Variants in SCN3A observed in about 807,000 individuals in gnomAD.
SCN3A encodes sodium voltage-gated channel alpha subunit 3, also known as sodium channel protein type 3 subunit alpha.
In SCN3A, 60 loss-of-function variants were observed where a neutral mutation model predicts 187.6. The observed-to-expected ratio is 0.32, with a 90% CI of 0.26 to 0.40. The LOEUF is 0.40. Ranked by LOEUF, SCN3A falls within the 10% of genes least tolerant of loss-of-function variation. SCN3A has a pLI of 1.00. For missense variants in SCN3A, 1,601 were observed against 2,428.2 expected (o/e 0.66, Z 7.16); for synonymous variants, 788 against 829.2 (o/e 0.95, Z 0.85).
chr2:165,094,663 G>A (rs570345128), intron 25 of SCN3A, among the ~76,000 whole-genome samples, 185 bp from the exon 26 acceptor site: 61 of 151,946 alleles, frequency 4.0e-4, no homozygotes, highest in Non-Finnish European at 7.2e-4. Context: ...AAATCCTTAC[G>A]TACATAAAAC....
At chr2:165,104,524 C>T (rs1299288138) in intron 21 of SCN3A, among the ~76,000 whole-genome samples, 1 of 148,392 alleles carries the variant, frequency 6.7e-6, no homozygotes, top group African/African-American at 2.5e-5. Flanking sequence ...GACAAAGAAA[C>T]AAACAAAATT....
chr2:165,130,839 T>C (rs899366215), intron 16 of SCN3A, among the ~76,000 whole-genome samples: 2 of 152,134 alleles, frequency 1.3e-5, no homozygotes, highest in African/African-American at 4.8e-5. Context: ...TTATTTAAGA[T>C]ACTAATAACA....
At position 165,131,282 on chromosome 2, in the gene SCN3A, T is replaced by A; in HGVS notation, c.2527A>T (p.Asn843Tyr). Residue 843 changes from asparagine (N) to tyrosine (Y), a missense_variant, in exon 16 of 28, where the codon AAT (asparagine) becomes TAT (tyrosine). Around this residue, in one of 11 missense-constraint regions of SCN3A, gnomAD observed 91 missense variants for 207.0 expected, o/e 0.44. Transcript: ENST00000283254. ...CGCAGTACAGACAATCCCTCCACAT[T>A]TGACAGACCAAGCTCCATTAAACTG... is the stretch of plus-strand genomic sequence containing the variant. ...SLSLMELGLS[N>Y]VEGLSVLRSF... The A allele has an allele frequency of 2.5e-6, 4 of 1,601,040 alleles. 1 individual carries two copies. The South Asian group carries it at 4.5e-5, about 18-fold the overall frequency.
At chr2:165,144,941 A>G (rs529223142) in intron 12 of SCN3A, among the ~76,000 whole-genome samples, 2 of 152,332 alleles carry the variant, frequency 1.3e-5, no homozygotes, top group African/African-American at 4.8e-5. Flanking sequence ...GAAACAATAA[A>G]GGAACTAATA....
intron 27 of SCN3A, chr2:165,091,838 A>G: frequency 3.4e-6 from 1 of 297,682 alleles, no homozygotes; most frequent in Non-Finnish European, 6.4e-6. Context: ...AGACCCACCT[A>G]GGATGCATCA....
At position 165,203,913 on chromosome 2, in the gene SCN3A, A is replaced by G. The variant is rs1424520376; in HGVS notation, c.-338T>C. On this transcript the variant is annotated 5_prime_UTR_variant, in exon 1 of 28. Coordinates refer to ENST00000283254, the MANE Select transcript of SCN3A (RefSeq NM_006922.4). ...AACGTGTCTTCCTCTGCAGCTGTTC[A>G]GCTTTTTTTTTTTTTTTTTTTTTTG... 2 of 132,306 alleles carry G rather than the reference A, an allele frequency of 1.5e-5. No homozygotes were observed. The highest frequency in any genetic ancestry group is 1.5e-4 in the Admixed American group (2 of 13,680). The allele number at this position is 132,306 out of a possible 1,614,324, so 8.2% of individuals were successfully genotyped here.
intron 16 of SCN3A, 24 bp downstream of exon 16, chr2:165,131,220 A>G (rs769165675): frequency 1.4e-6 from 2 of 1,475,430 alleles, no homozygotes; most frequent in South Asian, 3.1e-5. Context: ...CCAATGAGCG[A>G]CAGGGATATA....
At position 165,091,358 on chromosome 2, in the gene SCN3A, T is replaced by G; in HGVS notation, c.4808-13A>C. The G allele has an allele frequency of 6.2e-7, 1 of 1,613,718 alleles. No homozygotes were observed. Among genetic ancestry groups the G allele is most frequent in the South Asian group, 1.1e-5 (1 of 91,076 alleles). ...GCCAGAAACATACCTATGGAAAACATAGAACACAGCTAAACAGATAATATC... is the reference window on the plus strand; with the variant it reads ...GCCAGAAACATACCTATGGAAAACAGAGAACACAGCTAAACAGATAATATC... On this transcript the variant is annotated splice_polypyrimidine_tract_variant and intron_variant, in intron 27 of 27. Coordinates refer to ENST00000283254, the MANE Select transcript of SCN3A (RefSeq NM_006922.4).
chr2:165,097,368 T>A lies in SCN3A; in HGVS notation c.4123A>T (p.Ile1375Phe), dbSNP rs762231496. ...VNMTTGNMFD[I>F]SDVNNLSDCQ... ...TCACTCAAATTGTTAACATCACTAA[T>A]GTCAAACATGTTACCCGTTGTCATG... Residue 1375 changes from isoleucine to phenylalanine, a missense_variant, in exon 23 of 28, where the codon ATT (isoleucine) becomes TTT (phenylalanine). Coordinates refer to ENST00000283254, the MANE Select transcript of SCN3A (RefSeq NM_006922.4). 3 of 1,613,962 alleles carry A rather than the reference T, an allele frequency of 1.9e-6. No individual in the cohort carries two copies.
chr2:165,203,157 T>C (rs1464961600), intron 1 of SCN3A, among the ~76,000 whole-genome samples: 1 of 151,862 alleles, frequency 6.6e-6, no homozygotes, highest in African/African-American at 2.4e-5. Context: ...AATCTTTAAA[T>C]CAATAAATTA....
At chr2:165,097,655 T>G in intron 22 of SCN3A, 131 bp from the exon 23 acceptor site, 1 of 1,123,146 alleles carries the variant, frequency 8.9e-7, no homozygotes, top group East Asian at 2.5e-5. Context: ...AAGTTGTTTC[T>G]TCTAATTTTT....
At position 165,142,375 on chromosome 2, in the gene SCN3A, A is replaced by C. The variant is rs185467157; in HGVS notation, c.1672-1377T>G. Among the ~76,000 whole-genome samples the C allele has an allele frequency of 2.0e-3, 298 of 152,314 alleles. 1 individual carries two copies. Among genetic ancestry groups the C allele is most frequent in the African/African-American group, 6.9e-3 (285 of 41,574 alleles). ...GCTTTATTTTCATGGCTTTTCCCAG[A>C]CTGCAAAGCACCAGAATAATCTTTG... On this transcript the variant is annotated intron_variant, in intron 12 of 27. Transcript: ENST00000283254.
At chr2:165,102,638 G>T (rs189976705) in intron 21 of SCN3A, among the ~76,000 whole-genome samples, 22 of 152,308 alleles carry the variant, frequency 1.4e-4, no homozygotes, top group African/African-American at 4.8e-4. Flanking sequence ...ACATGGCATG[G>T]AATTGTGTGT....
chr2:165,149,629 T>A (rs1688575736), intron 11 of SCN3A, among the ~76,000 whole-genome samples: 1 of 152,216 alleles, frequency 6.6e-6, no homozygotes, highest in Non-Finnish European at 1.5e-5. Flanking sequence ...TTGTTCCACT[T>A]CCAGTGATTT....
chr2:165,177,928 T>TG (rs1690572018), intron 2 of SCN3A, among the ~76,000 whole-genome samples: 1 of 152,162 alleles, frequency 6.6e-6, no homozygotes, highest in African/African-American at 2.4e-5. Context: ...CCTACCACTA[T>TG]GGCACCAAAG....
intron 25 of SCN3A, 39 bp downstream of exon 25, chr2:165,095,472 C>T (rs764096818): frequency 1.3e-6 from 2 of 1,598,546 alleles, no homozygotes; most frequent in African/African-American, 2.7e-5. Context: ...ACAGACAGAA[C>T]CCCAGAATGA....
Position 165,176,026 on chromosome 2 carries a change from C to A in SCN3A, c.264+105G>T, listed in dbSNP as rs533521050. On this transcript the variant is annotated intron_variant, in intron 3 of 27. Coordinates refer to ENST00000283254, the MANE Select transcript of SCN3A (RefSeq NM_006922.4). ...GTGACAGTGAAGAGTATTATAAAATCTTTAACAGAAGAAAAATTGTGATGC... is the reference window on the plus strand; with the variant it reads ...GTGACAGTGAAGAGTATTATAAAATATTTAACAGAAGAAAAATTGTGATGC... The A allele has an allele frequency of 6.8e-6, 7 of 1,033,872 alleles. No homozygotes were observed. In the East Asian group the frequency reaches 1.0e-4, roughly 15 times the overall value. The allele number at this position is 1,033,872 out of a possible 1,614,324, so 64.0% of individuals were successfully genotyped here.
intron 21 of SCN3A, among the ~76,000 whole-genome samples, chr2:165,110,440 G>A (rs956503099): frequency 3.3e-5 from 5 of 152,090 alleles, no homozygotes; most frequent in Non-Finnish European, 7.4e-5. Context: ...TGTAGTTTTC[G>A]AAAGATACAT....
chr2:165,183,510 G>A (rs1691020531), intron 2 of SCN3A, among the ~76,000 whole-genome samples: 2 of 152,154 alleles, frequency 1.3e-5, no homozygotes, highest in South Asian at 4.1e-4. Flanking sequence ...AATACAATGA[G>A]TACAAGACTA....
Sources: allele counts gnomAD v4.1 joint callset (sites outside exome capture counted in the v4.1 genomes callset), GRCh38; gene constraint gnomAD v4.1.1; regional missense constraint gnomAD v4.1.1; transcripts MANE v1.5; gene names NCBI Gene and HGNC (gene_info 2026-07-23, HGNC 2026-07-21).